Variants in SYTL3 observed in about 807,000 individuals in gnomAD.
SYTL3 encodes synaptotagmin-like protein 3.
Under a neutral mutation model 82.1 loss-of-function variants are expected in SYTL3, and 88 were observed. The observed-to-expected ratio is 1.07, with a 90% CI of 0.90 to 1.28. The LOEUF (loss-of-function observed/expected upper bound fraction) is 1.28, where lower values mean the gene tolerates loss of function less well. SYTL3 is among the 50% of genes most tolerant of loss of function. The pLI is 0.00. For synonymous variants in SYTL3, 311 were observed against 289.4 expected, an observed-to-expected ratio of 1.07 and a Z score of -0.76; for missense variants, 831 against 757.6, an observed-to-expected ratio of 1.10 and a Z score of -1.14.
chr6:158,657,425 C>CAAAAAAA (rs535361947), intron 2 of SYTL3, among the ~76,000 whole-genome samples: 10 of 80,112 alleles, frequency 1.2e-4, no homozygotes, highest in Admixed American at 3.1e-4. Context: ...GACTCTGGCT[C>CAAAAAAA]AAAAAAAAAA....
upstream of SYTL3, among the ~76,000 whole-genome samples, chr6:158,645,043 C>T (rs774307014): frequency 5.1e-4 from 77 of 152,314 alleles, no homozygotes; most frequent in Middle Eastern, 3.4e-3. Flanking sequence ...GTGGTCCCGG[C>T]CCCTCCTCCG....
intron 12 of SYTL3, 24 bp from the exon 13 acceptor site, chr6:158,751,904 G>A: frequency 6.4e-7 from 1 of 1,568,452 alleles, no homozygotes; most frequent in South Asian, 1.2e-5. Flanking sequence ...TTCTCACTCT[G>A]TCCCCGCTGT....
At chr6:158,679,480 C>A (rs370841043) in intron 5 of SYTL3, among the ~76,000 whole-genome samples, 1 of 152,146 alleles carries the variant, frequency 6.6e-6, no homozygotes, top group East Asian at 1.9e-4. Context: ...GTAATGGACA[C>A]CCGGGCCAAA....
chr6:158,719,948 G>A (rs1171706055), intron 10 of SYTL3, among the ~76,000 whole-genome samples: 1 of 152,110 alleles, frequency 6.6e-6, no homozygotes, highest in Non-Finnish European at 1.5e-5. Flanking sequence ...TATTAGCCGG[G>A]TGTGGTGTCA....
In SYTL3 at chr6:158,763,497, A is replaced by C; in HGVS notation, c.1711A>C (p.Arg571=). ...GAACGACCGCTTGCTTGGAGGAACC[A>C]GACTTGGTTCAAGTAAGTCTGAGAC... The part of the protein sequence containing the change: ...GMNDRLLGGT[R]LGSKGDTAVG... Residue 571 remains arginine (R), a synonymous_variant, in exon 17 of 18, where the codon AGA becomes CGA. Coordinates refer to ENST00000611299, the MANE Select transcript of SYTL3 (RefSeq NM_001242394.2). 6.2e-7 allele frequency: 1 copy of C among 1,614,144 alleles called. No homozygotes were observed. Among genetic ancestry groups the C allele is most frequent in the African/African-American group, 1.3e-5 (1 of 75,052 alleles).
At chr6:158,744,075 G>A (rs1787277740) in intron 11 of SYTL3, among the ~76,000 whole-genome samples, 1 of 151,056 alleles carries the variant, frequency 6.6e-6, no homozygotes, top group Non-Finnish European at 1.5e-5. Context: ...CGCGCCACTT[G>A]CCTGGCTAAT....
chr6:158,650,972 A>G (rs1407247165), intron 1 of SYTL3, among the ~76,000 whole-genome samples: 1 of 152,116 alleles, frequency 6.6e-6, no homozygotes, highest in African/African-American at 2.4e-5. Context: ...AAAAGAAATT[A>G]GAATTGGTGT....
chr6:158,717,620 G>A (rs1026792812), intron 9 of SYTL3, among the ~76,000 whole-genome samples: 6 of 152,072 alleles, frequency 3.9e-5, no homozygotes, highest in Middle Eastern at 6.3e-3. Flanking sequence ...TATTATAATT[G>A]TTATGAGGAC....
chr6:158,667,091 A>G (rs759248707), intron 5 of SYTL3, among the ~76,000 whole-genome samples: 28 of 152,214 alleles, frequency 1.8e-4, no homozygotes, highest in Admixed American at 3.9e-4. Context: ...AACCAACCAT[A>G]TATATTTGAA....
At position 158,663,376 on chromosome 6, in the gene SYTL3, A is replaced by G; in HGVS notation, c.108A>G (p.Thr36=). ...QAVQNTEEER[T]RKLKTHLQHL... ...TTCAAAACACAGAGGAGGAGAGGAC[A>G]CGGTAGGCTGCCCTTCCCGGGGGGT... The change falls in exon 4 of 18, where the codon ACA becomes ACG. Residue 36 remains threonine, a splice_region_variant and synonymous_variant. Transcript: ENST00000611299. 6.2e-7 allele frequency: 1 copy of G among 1,613,416 alleles called. No individual in the cohort carries two copies. The highest frequency in any genetic ancestry group is 8.5e-7 in the Non-Finnish European group (1 of 1,179,952).
intron 6 of SYTL3, among the ~76,000 whole-genome samples, chr6:158,702,610 G>A (rs901195912): frequency 1.3e-5 from 2 of 152,002 alleles, no homozygotes; most frequent in Non-Finnish European, 2.9e-5. Context: ...CCAGGTGGTC[G>A]TTTCCCCCCG....
At chr6:158,699,774 C>T (rs1554253140) in intron 6 of SYTL3, among the ~76,000 whole-genome samples, 1 of 151,152 alleles carries the variant, frequency 6.6e-6, no homozygotes, top group Non-Finnish European at 1.5e-5. Flanking sequence ...ATAGTGAAAC[C>T]CCATCACTAC....
chr6:158,658,265 C>T (rs1400858163), intron 2 of SYTL3, among the ~76,000 whole-genome samples: 1 of 152,132 alleles, frequency 6.6e-6, no homozygotes, highest in Non-Finnish European at 1.5e-5. Context: ...GAGTTAAATT[C>T]TGTTGTTAAT....
At chr6:158,733,719 C>T (rs1785728499) in intron 11 of SYTL3, among the ~76,000 whole-genome samples, 1 of 152,108 alleles carries the variant, frequency 6.6e-6, no homozygotes, top group Admixed American at 6.5e-5. Flanking sequence ...AAACAAGACA[C>T]TGTAGCAAGG....
At chr6:158,740,753 G>T (rs558922499) in intron 11 of SYTL3, among the ~76,000 whole-genome samples, 1 of 152,318 alleles carries the variant, frequency 6.6e-6, no homozygotes, top group East Asian at 1.9e-4. Flanking sequence ...TAGGTTGCTA[G>T]AAAAGTCCTT....
At chr6:158,671,318 G>A (rs1053095607) in intron 5 of SYTL3, among the ~76,000 whole-genome samples, 1 of 152,026 alleles carries the variant, frequency 6.6e-6, no homozygotes, top group Non-Finnish European at 1.5e-5. Flanking sequence ...AGCTTTCTGC[G>A]CATTGTCTTT....
chr6:158,665,560 A>G lies in SYTL3; in HGVS notation c.276A>G (p.Arg92=). 1.3e-6 allele frequency: 2 copies of G among 1,581,912 alleles called. No homozygotes were observed. Among genetic ancestry groups the G allele is most frequent in the Non-Finnish European group, 1.7e-6 (2 of 1,164,882 alleles). ...GCSHRVCAQC[R]VFLRGTHAWK... ...GCCACCGCGTGTGTGCCCAGTGCCG[A>G]GTGTTCCTGAGGGGGACCCATGCCT... The change falls in exon 5 of 18, where the codon CGA becomes CGG. Residue 92 remains arginine, a synonymous_variant. Transcript: ENST00000611299.
intron 10 of SYTL3, among the ~76,000 whole-genome samples, chr6:158,719,384 A>G (rs529059865): frequency 6.6e-6 from 1 of 152,324 alleles, no homozygotes; most frequent in East Asian, 1.9e-4. Context: ...TCTTATGAGT[A>G]TAGGGGGTCA....
chr6:158,718,165 CAG>C lies in SYTL3; in HGVS notation c.680_681del (p.Arg227ThrfsTer5), dbSNP rs1347288098. The C allele has an allele frequency of 1.3e-6, 2 of 1,545,714 alleles. No individual in the cohort carries two copies. Among genetic ancestry groups the C allele is most frequent in the African/African-American group, 1.4e-5 (1 of 72,942 alleles). On this transcript the variant is annotated frameshift_variant, in exon 10 of 18. Transcript: ENST00000611299. LOFTEE classifies it high-confidence loss of function. Reference sequence around the variant, plus strand: ...GGCCCCAGGCAGTGTGTGGGACAGACAGAGAGACGGAGCCAGTCTGACACTGC... The same window carrying C: ...GGCCCCAGGCAGTGTGTGGGACAGACAGAGACGGAGCCAGTCTGACACTGC...
Sources: allele counts gnomAD v4.1 joint callset (sites outside exome capture counted in the v4.1 genomes callset), GRCh38; gene constraint gnomAD v4.1.1; transcripts MANE v1.5; gene names NCBI Gene and HGNC (gene_info 2026-07-23, HGNC 2026-07-21).